Variants in VAV2 observed in about 807,000 individuals in gnomAD.
VAV2 encodes the protein vav guanine nucleotide exchange factor 2.
In VAV2, 67 loss-of-function variants were observed where a neutral mutation model predicts 132.5. That is an observed-to-expected ratio of 0.51 (90% confidence interval 0.42 to 0.62). VAV2 has a LOEUF of 0.62. VAV2 is among the 20% of genes least tolerant of loss of function. The pLI is 0.00. For synonymous variants in VAV2, 492 were observed against 443.5 expected (o/e 1.11, Z -1.37); for missense variants, 938 against 1,153.6 (o/e 0.81, Z 2.71).
chr9:133,914,741 GA>G (rs1840003815), intron 2 of VAV2, among the ~76,000 whole-genome samples: 11 of 84,368 alleles, frequency 1.3e-4, no homozygotes, highest in South Asian at 1.4e-3. Flanking sequence ...GGAGGAGAGG[GA>G]AGGGGAGGGG....
intron 2 of VAV2, among the ~76,000 whole-genome samples, chr9:133,898,036 G>A (rs1483538613): frequency 6.6e-6 from 1 of 152,088 alleles, no homozygotes; most frequent in African/African-American, 2.4e-5. Flanking sequence ...GACAGACCAC[G>A]CAAAGCCTCC....
chr9:133,796,571 T>G, intron 10 of VAV2, 47 bp from the exon 11 acceptor site: 1 of 1,563,308 alleles, frequency 6.4e-7, no homozygotes, highest in Non-Finnish European at 8.7e-7. Context: ...GAGGAAAGCC[T>G]GAACCCACCC....
intron 4 of VAV2, among the ~76,000 whole-genome samples, chr9:133,821,793 T>C (rs1211453821): frequency 6.6e-6 from 1 of 152,156 alleles, no homozygotes; most frequent in East Asian, 1.9e-4. Context: ...CAGGCAGGAA[T>C]GTGGAAGCCC....
At position 133,810,042 on chromosome 9, in the gene VAV2, G is replaced by C. The variant is rs1279477407; in HGVS notation, c.567+149C>G. On this transcript the variant is annotated intron_variant, in intron 6 of 29. Coordinates refer to ENST00000371850, the MANE Select transcript of VAV2 (RefSeq NM_001134398.2). Reference sequence around the variant, plus strand: ...GGTACAGGACCACGGGGGTGCCGAGGGTCTCTGATGCCTGAAGTCATGTGT... The same window carrying C: ...GGTACAGGACCACGGGGGTGCCGAGCGTCTCTGATGCCTGAAGTCATGTGT... 3.5e-6 allele frequency: 4 copies of C among 1,155,638 alleles called. No individual in the cohort carries two copies. In the East Asian group the frequency reaches 1.0e-4, roughly 30 times the overall value. The allele number at this position is 1,155,638 out of a possible 1,614,324, so 71.6% of individuals were successfully genotyped here.
At chr9:133,809,664 G>C (rs1230205543) in intron 6 of VAV2, among the ~76,000 whole-genome samples, 1 of 152,232 alleles carries the variant, frequency 6.6e-6, no homozygotes, top group Non-Finnish European at 1.5e-5. Flanking sequence ...CAGGGGGCCT[G>C]AGATGACCCC....
intron 12 of VAV2, among the ~76,000 whole-genome samples, chr9:133,792,192 GTGTGTGA>G (rs1834506894): frequency 6.8e-6 from 1 of 147,394 alleles, no homozygotes; most frequent in African/African-American, 2.5e-5. Flanking sequence ...TGGGTGGGGT[GTGTGTGA>G]CTGTGTGTGT....
intron 9 of VAV2, among the ~76,000 whole-genome samples, 157 bp downstream of exon 9, chr9:133,805,924 G>A (rs1835119112): frequency 6.6e-6 from 1 of 152,188 alleles, no homozygotes; most frequent in Non-Finnish European, 1.5e-5. Context: ...GCGGCTCGGG[G>A]TGGGTGGCAT....
chr9:133,818,569 T>A (rs552546092), intron 4 of VAV2, among the ~76,000 whole-genome samples: 2 of 152,272 alleles, frequency 1.3e-5, no homozygotes, highest in East Asian at 3.9e-4. Flanking sequence ...TCTCTGACCT[T>A]TGGACTCAGA....
At chr9:133,807,148 G>A (rs1263247425) in intron 8 of VAV2, 110 bp downstream of exon 8, 4 of 1,285,310 alleles carry the variant, frequency 3.1e-6, no homozygotes, top group African/African-American at 1.5e-5. Context: ...AGCCACCACG[G>A]AGCCACAGGG....
chr9:133,822,137 G>A (rs961483555), intron 4 of VAV2, among the ~76,000 whole-genome samples: 1 of 147,948 alleles, frequency 6.8e-6, no homozygotes, highest in Non-Finnish European at 1.5e-5. Flanking sequence ...GCTGCTCAGA[G>A]GCCATTGCCC....
At chr9:133,977,990 A>G (rs611072) in intron 1 of VAV2, among the ~76,000 whole-genome samples, 43,227 of 116,570 alleles carry the variant, frequency 0.37, 6,911 homozygotes, top group Middle Eastern at 0.49. Context: ...CACCTGCCCT[A>G]GGGCACGCAG....
rs1455605568 is a variant in VAV2 at position 133,826,357 on chromosome 9, C to T, written c.449+7915G>A. 6.6e-6 allele frequency among the ~76,000 whole-genome samples: 1 copy of T among 152,212 alleles called. No homozygotes were observed. ...GAGCCCTGGCCCCAGAATCTCCCTCCCCGCTCGCACTCAGGGGCAGCTCTC... is the reference window on the plus strand; with the variant it reads ...GAGCCCTGGCCCCAGAATCTCCCTCTCCGCTCGCACTCAGGGGCAGCTCTC... On this transcript the variant is annotated intron_variant, in intron 4 of 29. Transcript: ENST00000371850. The surrounding 1 kb of genome is among the most constrained non-coding windows in gnomAD (Gnocchi z 4.2).
At chr9:133,898,243 G>T (rs1044612544) in intron 2 of VAV2, among the ~76,000 whole-genome samples, 9 of 152,098 alleles carry the variant, frequency 5.9e-5, no homozygotes, top group African/African-American at 2.2e-4. Flanking sequence ...GGCCAGAGGG[G>T]CTCCAAGGCT....
chr9:133,975,847 G>C (rs1287364432), intron 1 of VAV2, among the ~76,000 whole-genome samples: 2 of 152,148 alleles, frequency 1.3e-5, no homozygotes, highest in Admixed American at 1.3e-4. Flanking sequence ...GACCCAGGAA[G>C]GCAGACGGGT....
chr9:133,788,593 G>C lies in VAV2; in HGVS notation c.1275-107C>G. ...GGCTCTGGCACGCGGCTCCCTCTCC[G>C]GGCGAGCCCTGCCCTCACCTGGCTC... On this transcript the variant is annotated intron_variant, in intron 14 of 29. Coordinates refer to ENST00000371850, the MANE Select transcript of VAV2 (RefSeq NM_001134398.2). The surrounding 1 kb of genome is among the most constrained non-coding windows in gnomAD (Gnocchi z 5.3). 6.7e-7 allele frequency: 1 copy of C among 1,483,722 alleles called. No individual in the cohort carries two copies. The highest frequency in any genetic ancestry group is 1.3e-5 in the South Asian group (1 of 78,034). The allele number at this position is 1,483,722 out of a possible 1,614,324, so 91.9% of individuals were successfully genotyped here.
Position 133,840,906 on chromosome 9 carries a change from G to T in VAV2, c.381-6566C>A, listed in dbSNP as rs1049898221. The stretch of plus-strand genomic sequence containing the variant: ...ACAGTCCAGAGGGAGGGGCACATTG[G>T]ACGCGCAGGGGTCTCCAAGCTGAGG... On this transcript the variant is annotated intron_variant, in intron 3 of 29. Transcript: ENST00000371850. This position sits in a 1 kb window ranked among gnomAD's most constrained non-coding sequence, Gnocchi z 4.5. Among the ~76,000 whole-genome samples the T allele has an allele frequency of 6.6e-6, 1 of 152,170 alleles. No homozygotes were observed. Among genetic ancestry groups the T allele is most frequent in the Admixed American group, 6.5e-5 (1 of 15,272 alleles).
At chr9:133,954,119 C>T (rs1841662979) in intron 1 of VAV2, among the ~76,000 whole-genome samples, 1 of 152,216 alleles carries the variant, frequency 6.6e-6, no homozygotes, top group African/African-American at 2.4e-5. Context: ...AAGCACTGCG[C>T]CTGTCTGCTG....
At chr9:133,881,288 G>A (rs1303900621) in intron 2 of VAV2, among the ~76,000 whole-genome samples, 4 of 152,374 alleles carry the variant, frequency 2.6e-5, no homozygotes, top group African/African-American at 4.8e-5. Context: ...ATAGCGGAGC[G>A]CAGACGTGGG....
chr9:133,960,481 A>G (rs960017670), intron 1 of VAV2, among the ~76,000 whole-genome samples: 1 of 152,204 alleles, frequency 6.6e-6, no homozygotes, highest in African/African-American at 2.4e-5. Flanking sequence ...TCCCACATGC[A>G]TGGGAGGAGT....
Sources: allele counts gnomAD v4.1 joint callset (sites outside exome capture counted in the v4.1 genomes callset), GRCh38; gene constraint gnomAD v4.1.1; non-coding constraint Gnocchi (gnomAD v3.1); transcripts MANE v1.5; gene names NCBI Gene and HGNC (gene_info 2026-07-23, HGNC 2026-07-21).